The following NRXN3 variants were observed in gnomAD, a reference collection of about 807,000 sequenced individuals.
NRXN3 encodes neurexin III.
A neutral mutation model predicts 137.6 loss-of-function variants in NRXN3; 32 were observed. That is an observed-to-expected ratio of 0.23 (90% CI 0.18 to 0.31). NRXN3 has a LOEUF of 0.31. Ranked by LOEUF, NRXN3 falls within the 10% of genes least tolerant of loss-of-function variation. The pLI is 1.00. For synonymous variants in NRXN3, 798 were observed against 784.5 expected, an observed-to-expected ratio of 1.02 and a Z score of -0.29; for missense variants, 1,574 against 2,062.5, an observed-to-expected ratio of 0.76 and a Z score of 4.59.
At position 79,202,980 on chromosome 14, in the gene NRXN3, G is replaced by A. The variant is rs117487819; in HGVS notation, c.3262+214839G>A. Among the ~76,000 whole-genome samples, 209 of 152,284 alleles carry A rather than the reference G, an allele frequency of 1.4e-3. 7 individuals are homozygous for A. In the East Asian group the frequency reaches 0.036, roughly 26 times the overall value. On this transcript the variant is annotated intron_variant, in intron 15 of 20. Coordinates refer to ENST00000335750, the MANE Select transcript of NRXN3 (RefSeq NM_001330195.2). ...ACACTAGTATACATTCCCTCCAGCA[G>A]TGTAGAACTTCCCCCTGTTCACCGC... is the stretch of plus-strand genomic sequence containing the variant.
chr14:79,471,249 T>G (rs774553202), intron 16 of NRXN3, among the ~76,000 whole-genome samples: 1 of 152,120 alleles, frequency 6.6e-6, no homozygotes, highest in African/African-American at 2.4e-5. Flanking sequence ...TCATCTTGCC[T>G]GAAAATTCTC....
Position 78,709,588 on chromosome 14 carries a change from A to T in NRXN3, c.1593A>T (p.Lys531Asn). 1 of 1,614,060 alleles carries T rather than the reference A, an allele frequency of 6.2e-7. No homozygotes were observed. The highest frequency in any genetic ancestry group is 1.1e-5 in the South Asian group (1 of 91,070). ...TGGGCTCTGGCACCATCAAAGTGAA[A>T]GCCACTCAGAAGAAAGCCAATGATG... ...LDMGSGTIKVKATQKKANDGE... is the reference protein window; with the variant it reads ...LDMGSGTIKVNATQKKANDGE... The change falls in exon 7 of 21, where the codon AAA (lysine) becomes AAT (asparagine). Residue 531 changes from lysine (K) to asparagine (N), a missense_variant. This residue lies in a region of NRXN3 where 718 missense variants were observed against 887.6 expected (regional missense o/e 0.81). Coordinates refer to ENST00000335750, the MANE Select transcript of NRXN3 (RefSeq NM_001330195.2).
intron 1 of NRXN3, among the ~76,000 whole-genome samples, chr14:78,189,888 C>T (rs570234077): frequency 1.1e-3 from 175 of 152,242 alleles, no homozygotes; most frequent in African/African-American, 4.1e-3. Flanking sequence ...TGGAAGTCTC[C>T]CCCAACTACC....
intron 10 of NRXN3, among the ~76,000 whole-genome samples, chr14:78,870,185 C>A (rs1269437790): frequency 1.3e-5 from 2 of 152,162 alleles, no homozygotes; most frequent in Non-Finnish European, 2.9e-5. Flanking sequence ...CAAGGAAGTG[C>A]ACAGATGAGC....
intron 4 of NRXN3, among the ~76,000 whole-genome samples, chr14:78,445,617 G>A (rs78355733): frequency 0.038 from 5,753 of 152,218 alleles, 290 homozygotes; most frequent in African/African-American, 0.11. Context: ...TTATCTTAAA[G>A]CATTTACCAA....
At chr14:78,849,043 A>T (rs1308589006) in intron 10 of NRXN3, among the ~76,000 whole-genome samples, 1 of 152,060 alleles carries the variant, frequency 6.6e-6, no homozygotes, top group Non-Finnish European at 1.5e-5. Context: ...GATAAGAAAA[A>T]ATCACATTAA....
chr14:78,416,429 C>A (rs997300839), intron 4 of NRXN3, among the ~76,000 whole-genome samples: 6 of 152,124 alleles, frequency 3.9e-5, no homozygotes, highest in Non-Finnish European at 7.4e-5. Flanking sequence ...TGAACCAGGA[C>A]AAACTCAGTG....
chr14:78,828,296 C>A (rs1484542277), intron 10 of NRXN3, among the ~76,000 whole-genome samples: 2 of 152,170 alleles, frequency 1.3e-5, no homozygotes, highest in East Asian at 1.9e-4. Flanking sequence ...GAGGCTCTTG[C>A]TTAAATATTC....
chr14:79,584,854 G>A (rs2097753373), intron 16 of NRXN3, among the ~76,000 whole-genome samples: 1 of 152,166 alleles, frequency 6.6e-6, no homozygotes, highest in Admixed American at 6.5e-5. Flanking sequence ...GAATCAGCAG[G>A]AGAGAGAGAA....
intron 10 of NRXN3, among the ~76,000 whole-genome samples, chr14:78,903,379 G>A (rs1258264085): frequency 6.6e-6 from 1 of 151,706 alleles, no homozygotes; most frequent in East Asian, 2.0e-4. Context: ...TGGGCTCAAG[G>A]GATCTGCCTG....
chr14:79,529,932 G>A (rs1467061634), intron 16 of NRXN3, among the ~76,000 whole-genome samples: 1 of 152,110 alleles, frequency 6.6e-6, no homozygotes, highest in East Asian at 1.9e-4. Flanking sequence ...CGAACTCCAA[G>A]TAATTCATTG....
At chr14:79,637,729 C>CTTTTGTTTTTTTTTTTTTTTT (rs2098411925) in intron 16 of NRXN3, among the ~76,000 whole-genome samples, 1 of 95,622 alleles carries the variant, frequency 1.0e-5, no homozygotes, top group Non-Finnish European at 2.0e-5. Context: ...TAGAAAAGTT[C>CTTTTGTTTTTTTTTTTTTTTT]TTTTTTTTTT....
chr14:79,000,553 T>A (rs539294241), intron 15 of NRXN3, among the ~76,000 whole-genome samples: 3 of 152,294 alleles, frequency 2.0e-5, no homozygotes, highest in South Asian at 2.1e-4. Context: ...AAAAAAGGAT[T>A]TAGGCAGGGA....
chr14:79,799,324 C>T lies in NRXN3; in HGVS notation c.4015-5788C>T, dbSNP rs75647277. Among the ~76,000 whole-genome samples the T allele has an allele frequency of 2.8e-3, 428 of 152,192 alleles. 4 individuals carry two copies. Among genetic ancestry groups the T allele is most frequent in the African/African-American group, 9.8e-3 (408 of 41,510 alleles). On this transcript the variant is annotated intron_variant, in intron 19 of 20. Coordinates refer to ENST00000335750, the MANE Select transcript of NRXN3 (RefSeq NM_001330195.2). Reference sequence around the variant, plus strand: ...TAGGGGCAGAGGAATATTTTTCTCCCCTTGAGAAAGCAAGTTAAGGTGCTT... The same window carrying T: ...TAGGGGCAGAGGAATATTTTTCTCCTCTTGAGAAAGCAAGTTAAGGTGCTT...
intron 4 of NRXN3, among the ~76,000 whole-genome samples, chr14:78,542,749 G>T (rs745527247): frequency 2.0e-5 from 3 of 152,228 alleles, no homozygotes; most frequent in Non-Finnish European, 4.4e-5. Context: ...TGGAAATGCA[G>T]AAATCACCCA....
intron 15 of NRXN3, among the ~76,000 whole-genome samples, chr14:79,007,517 A>C (rs566832925): frequency 1.6e-4 from 24 of 152,070 alleles, no homozygotes; most frequent in East Asian, 9.7e-4. Context: ...ACAAAAAAAA[A>C]CAAAAAGTCT....
intron 15 of NRXN3, among the ~76,000 whole-genome samples, chr14:79,266,438 G>A (rs772738781): frequency 1.3e-5 from 2 of 151,834 alleles, no homozygotes; most frequent in Non-Finnish European, 2.9e-5. Flanking sequence ...TCATTATTGG[G>A]ACTGATGTTA....
chr14:79,496,214 TTCTCTCTCTCTC>T (rs149328690), intron 16 of NRXN3, among the ~76,000 whole-genome samples: 2 of 144,644 alleles, frequency 1.4e-5, no homozygotes, highest in African/African-American at 5.2e-5. Context: ...TTGAACTTAA[TTCTCTCTCTCTC>T]TCTCTCTCTC....
chr14:79,052,357 G>A (rs1397489341), intron 15 of NRXN3, among the ~76,000 whole-genome samples: 2 of 152,198 alleles, frequency 1.3e-5, no homozygotes, highest in African/African-American at 2.4e-5. Flanking sequence ...CATAGTTCAT[G>A]TTGTTACAAA....
Sources: allele counts gnomAD v4.1 joint callset (sites outside exome capture counted in the v4.1 genomes callset), GRCh38; gene constraint gnomAD v4.1.1; regional missense constraint gnomAD v4.1.1; transcripts MANE v1.5; gene names NCBI Gene and HGNC (gene_info 2026-07-23, HGNC 2026-07-21).